CEP83: variants seen among roughly 807,000 people sequenced by gnomAD.
CEP83 encodes centrosomal protein of 83 kDa.
Under a neutral mutation model 101.9 loss-of-function variants are expected in CEP83, and 70 were observed. That is an observed-to-expected ratio of 0.69 (90% CI 0.57 to 0.84). The LOEUF (loss-of-function observed/expected upper bound fraction) is 0.84, where lower values mean the gene tolerates loss of function less well. Among genes scored for constraint, CEP83 ranks in the 40% least tolerant of loss-of-function variants. CEP83 has a pLI of 0.00. For missense variants in CEP83, 715 were observed against 787.2 expected (o/e 0.91, Z 1.10); for synonymous variants, 264 against 267.9 (o/e 0.99, Z 0.14).
chr12:94,308,779 T>G lies in CEP83; in HGVS notation c.*34A>C, dbSNP rs1376385658. On this transcript the variant is annotated 3_prime_UTR_variant, in exon 17 of 17. Transcript: ENST00000397809. ...GTCAAGTTTTACTGAGTCACCAACT[T>G]CACCTCTTTTGATCTGCCTGTTCTC... 1 of 1,410,774 alleles carries G rather than the reference T, an allele frequency of 7.1e-7. No individual in the cohort carries two copies. 87.4% of individuals were successfully genotyped at this position (1,410,774 alleles called of 1,614,324 possible). A position where few individuals can be genotyped will look rare whatever the true frequency, so the allele number is the denominator to read the frequency against.
At chr12:94,404,484 T>A (rs1472862401) in intron 4 of CEP83, among the ~76,000 whole-genome samples, 1 of 152,106 alleles carries the variant, frequency 6.6e-6, no homozygotes, top group Non-Finnish European at 1.5e-5. Context: ...TGGGACCACA[T>A]TAAGTACTAC....
At chr12:94,410,516 C>T (rs1042336011) in intron 4 of CEP83, among the ~76,000 whole-genome samples, 4 of 152,110 alleles carry the variant, frequency 2.6e-5, no homozygotes, top group African/African-American at 7.2e-5. Context: ...AATATAACTA[C>T]TCCAGCCTTC....
the CEP83 span, among the ~76,000 whole-genome samples, chr12:94,268,909 T>C: frequency 6.6e-6 from 1 of 152,184 alleles, no homozygotes; most frequent in African/African-American, 2.4e-5. Context: ...ATAAGACCTA[T>C]TGCTCTGCTG....
At chr12:94,266,287 C>A in the CEP83 span, among the ~76,000 whole-genome samples, 6 of 152,192 alleles carry the variant, frequency 3.9e-5, no homozygotes, top group Non-Finnish European at 8.8e-5. Context: ...CCAGATGCGG[C>A]TCACTTCTCC....
the CEP83 span, chr12:94,279,637 G>A: frequency 1.2e-6 from 2 of 1,614,156 alleles, no homozygotes; most frequent in Non-Finnish European, 1.7e-6. Flanking sequence ...TCAGCTTAAT[G>A]AAATTGGTCT....
At chr12:94,295,770 GC>G in the CEP83 span, among the ~76,000 whole-genome samples, 3 of 152,164 alleles carry the variant, frequency 2.0e-5, no homozygotes, top group African/African-American at 7.2e-5. Context: ...CTTGACCAGG[GC>G]CCTCCACACA....
intron 1 of CEP83, among the ~76,000 whole-genome samples, chr12:94,448,159 A>G (rs184592416): frequency 3.0e-4 from 45 of 152,286 alleles, no homozygotes; most frequent in African/African-American, 8.9e-4. Context: ...AAAAAAAACT[A>G]GAGTGGCTAT....
At position 94,337,794 on chromosome 12, in the gene CEP83, G is replaced by A. The variant is rs577867077; in HGVS notation, c.1344-2130C>T. ...GGTGACGAAGAGTATAGAGGAAGTA[G>A]AGAGATGGGATTAAAAGCACTGTTC... On this transcript the variant is annotated intron_variant, in intron 11 of 16. Coordinates refer to ENST00000397809, the MANE Select transcript of CEP83 (RefSeq NM_016122.3). Among the ~76,000 whole-genome samples the A allele has an allele frequency of 3.9e-5, 6 of 152,290 alleles. No individual in the cohort carries two copies. In the South Asian group the frequency reaches 1.2e-3, roughly 32 times the overall value.
chr12:94,279,723 C>A, the CEP83 span: 1 of 1,276,040 alleles, frequency 7.8e-7, no homozygotes, highest in Non-Finnish European at 1.1e-6. Flanking sequence ...CCTCCCTGTC[C>A]CCCCTCCCTG....
chr12:94,318,466 T>C (rs1971080938), intron 14 of CEP83, among the ~76,000 whole-genome samples: 1 of 152,108 alleles, frequency 6.6e-6, no homozygotes, highest in Admixed American at 6.6e-5. Flanking sequence ...ATGGGAGTGG[T>C]GAGAGAGGGT....
chr12:94,399,330 A>G (rs2063109051), intron 6 of CEP83, among the ~76,000 whole-genome samples: 1 of 152,228 alleles, frequency 6.6e-6, no homozygotes, highest in African/African-American at 2.4e-5. Context: ...ACTTACAGAA[A>G]ATAGAAAGAA....
rs535064525 is a variant in CEP83 at position 94,456,887 on chromosome 12, C to T, written c.-155+2670G>A. Among the ~76,000 whole-genome samples, 4 of 152,232 alleles carry T rather than the reference C, an allele frequency of 2.6e-5. No homozygotes were observed. The East Asian group carries it at 7.7e-4, about 29-fold the overall frequency. ...GATACAGCTCATCGAGATCTGAAGT[C>T]CTGCCCTTAATAAGCTTACAATCTA... On this transcript the variant is annotated intron_variant, in intron 1 of 16. Coordinates refer to ENST00000397809, the MANE Select transcript of CEP83 (RefSeq NM_016122.3).
intron 4 of CEP83, among the ~76,000 whole-genome samples, chr12:94,410,472 T>C (rs937084739): frequency 1.3e-5 from 2 of 152,208 alleles, no homozygotes; most frequent in Non-Finnish European, 2.9e-5. Flanking sequence ...TCTTTAGTGA[T>C]ACTCTTTGTC....
downstream of CEP83, chr12:94,305,295 G>A (rs1968889571): frequency 1.3e-6 from 2 of 1,558,798 alleles, no homozygotes; most frequent in Admixed American, 1.7e-5. Flanking sequence ...AGCACTCTGG[G>A]GCCTGGCTTA....
chr12:94,418,148 G>A (rs1052765096), intron 2 of CEP83, among the ~76,000 whole-genome samples: 1 of 152,086 alleles, frequency 6.6e-6, no homozygotes, highest in East Asian at 1.9e-4. Context: ...GGTTACTTGA[G>A]GCCAGGAGTT....
chr12:94,443,838 A>AT (rs1411401530), intron 1 of CEP83, among the ~76,000 whole-genome samples: 1 of 151,958 alleles, frequency 6.6e-6, no homozygotes, highest in African/African-American at 2.4e-5. Flanking sequence ...CAGATGCTTT[A>AT]TAACTATATA....
intron 1 of CEP83, among the ~76,000 whole-genome samples, chr12:94,456,586 C>T (rs1384584828): frequency 1.3e-5 from 2 of 152,130 alleles, no homozygotes; most frequent in Non-Finnish European, 2.9e-5. Context: ...AAGCAAGGCA[C>T]CTTCTTCACA....
chr12:94,371,481 T>C (rs1566011865), intron 8 of CEP83, among the ~76,000 whole-genome samples: 2 of 152,176 alleles, frequency 1.3e-5, no homozygotes, highest in African/African-American at 2.4e-5. Context: ...CTTCTAAAAT[T>C]AGATATAGTC....
intron 15 of CEP83, among the ~76,000 whole-genome samples, chr12:94,310,880 G>C (rs879907863): frequency 4.6e-5 from 7 of 152,160 alleles, no homozygotes; most frequent in Non-Finnish European, 7.3e-5. Flanking sequence ...CTGGCACACA[G>C]CTCCTAAAAC....
Sources: gnomAD v4.1 joint callset for allele counts (sites outside exome capture counted in the v4.1 genomes callset) on GRCh38, gnomAD v4.1.1 for gene constraint, MANE v1.5 for transcripts, NCBI Gene and HGNC (gene_info 2026-07-23, HGNC 2026-07-21) for gene names.